Variants in SEC23A observed in about 807,000 individuals in gnomAD.
The protein encoded by SEC23A is protein transport protein Sec23A.
A neutral mutation model predicts 103.7 loss-of-function variants in SEC23A; 56 were observed. The ratio of observed to expected loss-of-function variants is 0.54; its 90% confidence interval spans 0.44 to 0.67. The LOEUF (loss-of-function observed/expected upper bound fraction) is 0.67. SEC23A is among the 30% of genes least tolerant of loss of function. The pLI is 0.00. For missense variants in SEC23A, 784 were observed against 936.4 expected, an observed-to-expected ratio of 0.84 and a Z score of 2.12; for synonymous variants, 281 against 293.0, an observed-to-expected ratio of 0.96 and a Z score of 0.42.
rs869085893 is a variant in SEC23A, at chr14:39,094,432, ATATATATATATT to A, written c.222-1200_222-1189del. 8.1e-3 allele frequency among the ~76,000 whole-genome samples: 297 copies of A among 36,846 alleles called. 47 individuals carry two copies. Among genetic ancestry groups the A allele is most frequent in the African/African-American group, 0.018 (76 of 4,266 alleles). The allele number at this position is 36,846 out of a possible 152,430, so 24.2% of individuals were successfully genotyped here. On this transcript the variant is annotated intron_variant, in intron 2 of 19. Transcript: ENST00000307712. ...TATATATATATATATATATATATAT[ATATATATATATT>A]TTTTTTTTTTTTTTTTCCCCTCCTG...
intron 1 of SEC23A, among the ~76,000 whole-genome samples, 200 bp from the exon 2 acceptor site, chr14:39,096,339 T>C (rs1796005316): frequency 6.6e-6 from 1 of 150,802 alleles, no homozygotes; most frequent in Non-Finnish European, 1.5e-5. Flanking sequence ...GAGACCAGCC[T>C]GACCAACACG....
At chr14:39,097,512 A>G (rs546464379) in intron 1 of SEC23A, among the ~76,000 whole-genome samples, 8 of 152,344 alleles carry the variant, frequency 5.3e-5, no homozygotes, top group African/African-American at 1.9e-4. Context: ...GGGGGGAAAA[A>G]GTTAGATATA....
At chr14:39,079,061 G>A (rs1594470911) in intron 7 of SEC23A, among the ~76,000 whole-genome samples, 1 of 152,124 alleles carries the variant, frequency 6.6e-6, no homozygotes, top group African/African-American at 2.4e-5. Context: ...CCTAAAAAAA[G>A]AACGAGACTA....
At position 39,061,838 on chromosome 14, in the gene SEC23A, C is replaced by T; in HGVS notation, c.1432G>A (p.Ala478Thr). The change falls in exon 13 of 20, where the codon GCA (alanine) becomes ACA (threonine). Residue 478 changes from alanine to threonine, a missense_variant. Transcript: ENST00000307712. ...TGATACTGAGTCACAAACTGGATTG[C>T]ACCACGCCCTCCTTGAGGAATTGGA... ...NAPIPQGGRGAIQFVTQYQHS... is the reference protein window; with the variant it reads ...NAPIPQGGRGTIQFVTQYQHS... 1.2e-6 allele frequency: 2 copies of T among 1,613,966 alleles called. No individual in the cohort carries two copies. The highest frequency in any genetic ancestry group is 1.6e-4 in the Middle Eastern group (1 of 6,062).
chr14:39,057,611 C>T (rs1566490457), intron 13 of SEC23A, among the ~76,000 whole-genome samples: 1 of 152,190 alleles, frequency 6.6e-6, no homozygotes, highest in Non-Finnish European at 1.5e-5. Flanking sequence ...AAGTGATCTT[C>T]CTGCCTCAGC....
chr14:39,081,821 A>C (rs1887237513), intron 7 of SEC23A, among the ~76,000 whole-genome samples: 1 of 152,070 alleles, frequency 6.6e-6, no homozygotes, highest in Non-Finnish European at 1.5e-5. Flanking sequence ...ATATGCACAC[A>C]CATATACTTA....
chr14:39,087,328 T>C (rs1321148279), intron 5 of SEC23A, among the ~76,000 whole-genome samples: 1 of 152,240 alleles, frequency 6.6e-6, no homozygotes, highest in African/African-American at 2.4e-5. Flanking sequence ...TTAATTTATA[T>C]TCATTCATCC....
intron 17 of SEC23A, among the ~76,000 whole-genome samples, chr14:39,041,589 G>A (rs1885648578): frequency 6.6e-6 from 1 of 151,514 alleles, no homozygotes; most frequent in Non-Finnish European, 1.5e-5. Flanking sequence ...TCCTGGGTAG[G>A]TCGGGCGCGA....
chr14:39,053,658 AG>A (rs1284951645), intron 14 of SEC23A, among the ~76,000 whole-genome samples: 1 of 152,190 alleles, frequency 6.6e-6, no homozygotes, highest in Non-Finnish European at 1.5e-5. Context: ...AAACAAGTCT[AG>A]TTCACTCAAG....
At chr14:39,083,563 C>CTTTTTTTTT (rs71130810) in intron 7 of SEC23A, among the ~76,000 whole-genome samples, 19,613 of 89,486 alleles carry the variant, frequency 0.22, 4,515 homozygotes, top group African/African-American at 0.25. Context: ...AATAAACTTT[C>CTTTTTTTTT]TTTTTTTTTT....
chr14:39,061,860 T>G lies in SEC23A; in HGVS notation c.1410A>C (p.Pro470=), dbSNP rs150890094. Residue 470 remains proline, a synonymous_variant, in exon 13 of 20, where the codon CCA becomes CCC. Coordinates refer to ENST00000307712, the MANE Select transcript of SEC23A (RefSeq NM_006364.4). ...YFEVVNQHNA[P]IPQGGRGAIQ... ...TTGCACCACGCCCTCCTTGAGGAAT[T>G]GGAGCATTATGCTGTATAAATATAA... 3.7e-6 allele frequency: 6 copies of G among 1,611,884 alleles called. No individual in the cohort carries two copies. The East Asian group carries it at 1.3e-4, about 36-fold the overall frequency.
chr14:39,040,821 G>A lies in SEC23A; in HGVS notation c.2053C>T (p.Leu685=). ...TGTGCATCATCCACTGGGGCTTGCA[G>A]AAGGTGGCGGAAATTTTCATACTCA... ...MPEYENFRHL[L]QAPVDDAQEI... Residue 685 remains leucine (L), a synonymous_variant, in exon 18 of 20, where the codon CTG becomes TTG. Transcript: ENST00000307712. 1.9e-6 allele frequency: 3 copies of A among 1,614,184 alleles called. No individual in the cohort carries two copies. Among genetic ancestry groups the A allele is most frequent in the Non-Finnish European group, 2.5e-6 (3 of 1,180,032 alleles).
At position 39,040,828 on chromosome 14, in the gene SEC23A, G is replaced by A. The variant is rs1326428436; in HGVS notation, c.2046C>T (p.Arg682=). 6.2e-7 allele frequency: 1 copy of A among 1,614,136 alleles called. No homozygotes were observed. Among genetic ancestry groups the A allele is most frequent in the African/African-American group, 1.3e-5 (1 of 75,024 alleles). Residue 682 remains arginine, a synonymous_variant, in exon 18 of 20, where the codon CGC becomes CGT. Transcript: ENST00000307712. ...YQDMPEYENF[R]HLLQAPVDDA... is the part of the protein sequence containing the mutation. Reference sequence around the variant, plus strand: ...CATCCACTGGGGCTTGCAGAAGGTGGCGGAAATTTTCATACTCAGGCATAT... The same window carrying A: ...CATCCACTGGGGCTTGCAGAAGGTGACGGAAATTTTCATACTCAGGCATAT...
Position 39,045,148 on chromosome 14 carries a change from T to C in SEC23A, c.1899+15A>G. The C allele has an allele frequency of 6.2e-7, 1 of 1,612,254 alleles. No homozygotes were observed. Among genetic ancestry groups the C allele is most frequent in the Admixed American group, 1.7e-5 (1 of 60,018 alleles). Reference sequence around the variant, plus strand: ...GCAGTAACAAGACCAATTTATTTTTTTCTGTCCCTCTTACCTCTGGTGGTC... The same window carrying C: ...GCAGTAACAAGACCAATTTATTTTTCTCTGTCCCTCTTACCTCTGGTGGTC... On this transcript the variant is annotated intron_variant, in intron 16 of 19. Coordinates refer to ENST00000307712, the MANE Select transcript of SEC23A (RefSeq NM_006364.4).
At chr14:39,063,500 GA>G (rs530578446) in intron 11 of SEC23A, 87 bp from the exon 12 acceptor site, 1,863 of 725,200 alleles carry the variant, frequency 2.6e-3, no homozygotes, top group African/African-American at 4.8e-3. Flanking sequence ...AAGACCACAG[GA>G]AAAAAAAAAG....
chr14:39,064,660 A>G, intron 11 of SEC23A: 1 of 475,264 alleles, frequency 2.1e-6, no homozygotes. Context: ...AATCAATATA[A>G]GAATTTTGAA....
In SEC23A at chr14:39,094,199, T is replaced by TATATATATATGCATATATACACATAC. The variant is rs1566514207; in HGVS notation, c.222-981_222-956dup. On this transcript the variant is annotated intron_variant, in intron 2 of 19. Transcript: ENST00000307712. Reference sequence around the variant, plus strand: ...ACCACACCCAGCATATACATATACATATATATATATGCATATATACACATA... The same window carrying TATATATATATGCATATATACACATAC: ...ACCACACCCAGCATATACATATACATATATATATATGCATATATACACATACATATATATATGCATATATACACATA... 3.3e-3 allele frequency among the ~76,000 whole-genome samples: 464 copies of TATATATATATGCATATATACACATAC among 141,282 alleles called. 24 individuals carry two copies. The highest frequency in any genetic ancestry group is 0.011 in the African/African-American group (444 of 38,798). 92.7% of individuals were successfully genotyped at this position (141,282 alleles called of 152,430 possible).
In SEC23A at chr14:39,055,753, G is replaced by T. The variant is rs560191703; in HGVS notation, c.1506-457C>A. 2.0e-5 allele frequency among the ~76,000 whole-genome samples: 3 copies of T among 152,352 alleles called. No individual in the cohort carries two copies. The East Asian group carries it at 5.8e-4, about 29-fold the overall frequency. On this transcript the variant is annotated intron_variant, in intron 13 of 19. Transcript: ENST00000307712. The stretch of plus-strand genomic sequence containing the variant: ...CCAAGAAGCCAGGGCTCAAAGGAAT[G>T]TGCTCTGGAGACCCTCCCAGCACTC...
At chr14:39,053,031 A>G (rs765747503) in intron 14 of SEC23A, among the ~76,000 whole-genome samples, 4 of 152,194 alleles carry the variant, frequency 2.6e-5, no homozygotes, top group Non-Finnish European at 5.9e-5. Flanking sequence ...GCAGCTCCAG[A>G]GGCGGAGGCA....
Sources: allele counts gnomAD v4.1 joint callset (sites outside exome capture counted in the v4.1 genomes callset), GRCh38; gene constraint gnomAD v4.1.1; transcripts MANE v1.5; gene names NCBI Gene and HGNC (gene_info 2026-07-23, HGNC 2026-07-21).